The following FKBP5 variants were observed in gnomAD, a reference collection of about 807,000 sequenced individuals.
FKBP5 encodes peptidyl-prolyl cis-trans isomerase FKBP5.
In FKBP5, 23 loss-of-function variants were observed where a neutral mutation model predicts 50.5. The observed-to-expected ratio is 0.46, with a 90% CI of 0.33 to 0.65. FKBP5 has a LOEUF of 0.65. FKBP5 is among the 30% of genes least tolerant of loss of function. The probability of loss-of-function intolerance (pLI) is 0.02; values close to 1 mark genes in which losing one functional copy is unlikely to be tolerated. For missense variants in FKBP5, 411 were observed against 553.1 expected (o/e 0.74, Z 2.58); for synonymous variants, 176 against 190.6 (o/e 0.92, Z 0.63).
chr6:35,594,245 C>T (rs1042626855), intron 6 of FKBP5, among the ~76,000 whole-genome samples: 1 of 151,676 alleles, frequency 6.6e-6, no homozygotes. Flanking sequence ...TCCCAGCTAC[C>T]CAGGAGCTTG....
chr6:35,685,982 CAAAAAAAAAA>C (rs60786619), intron 1 of FKBP5, among the ~76,000 whole-genome samples: 4 of 46,244 alleles, frequency 8.6e-5, no homozygotes, highest in Non-Finnish European at 2.1e-4. Context: ...AACGCCATCT[CAAAAAAAAAA>C]AAAAAAAAAA....
upstream of FKBP5, among the ~76,000 whole-genome samples, chr6:35,690,930 C>T (rs536797636): frequency 1.3e-5 from 2 of 151,012 alleles, no homozygotes; most frequent in Admixed American, 6.6e-5. Context: ...CGCTTGAACC[C>T]GGGAGGCGGA....
intron 1 of FKBP5, among the ~76,000 whole-genome samples, chr6:35,682,274 G>T (rs1299360732): frequency 1.3e-5 from 2 of 152,116 alleles, no homozygotes; most frequent in Non-Finnish European, 2.9e-5. Context: ...TATCTAACAT[G>T]GGTAAAGAAC....
chr6:35,704,931 G>T (rs2151019800), intron 2 of FKBP5, among the ~76,000 whole-genome samples: 1 of 151,480 alleles, frequency 6.6e-6, no homozygotes, highest in South Asian at 2.1e-4. Context: ...CACGAGGTCA[G>T]GAAATCGAGA....
intron 2 of FKBP5, among the ~76,000 whole-genome samples, chr6:35,717,448 T>C (rs910900593): frequency 6.6e-6 from 1 of 152,260 alleles, no homozygotes; most frequent in East Asian, 1.9e-4. Context: ...TACATGCCCA[T>C]GTATGCATCT....
chr6:35,675,564 C>T (rs1053821769), intron 1 of FKBP5, among the ~76,000 whole-genome samples: 17 of 152,078 alleles, frequency 1.1e-4, no homozygotes, highest in Admixed American at 3.9e-4. Context: ...AGAAACACTC[C>T]GTCTCAAAAA....
chr6:35,693,076 TA>T (rs35498093), upstream of FKBP5, among the ~76,000 whole-genome samples: 67 of 80,772 alleles, frequency 8.3e-4, no homozygotes, highest in South Asian at 6.2e-3. Context: ...TCTTTTCAGC[TA>T]AAAAAAAAAA....
intron 2 of FKBP5, among the ~76,000 whole-genome samples, chr6:35,641,376 C>T (rs1390272288): frequency 1.3e-5 from 2 of 152,128 alleles, no homozygotes; most frequent in Admixed American, 6.5e-5. Flanking sequence ...GTAATATAAA[C>T]ATTTATTATC....
At chr6:35,695,762 T>A (rs932798340) in intron 2 of FKBP5, among the ~76,000 whole-genome samples, 1 of 152,214 alleles carries the variant, frequency 6.6e-6, no homozygotes, top group East Asian at 1.9e-4. Flanking sequence ...TATGATAGCA[T>A]CAAAAAGAAG....
At chr6:35,699,658 C>T (rs1261899632) in intron 2 of FKBP5, among the ~76,000 whole-genome samples, 1 of 152,106 alleles carries the variant, frequency 6.6e-6, no homozygotes, top group East Asian at 1.9e-4. Flanking sequence ...ATGCTGCTCT[C>T]GATCTGAAGA....
chr6:35,648,740 G>T (rs1430148465), intron 1 of FKBP5, among the ~76,000 whole-genome samples: 1 of 152,074 alleles, frequency 6.6e-6, no homozygotes, highest in Non-Finnish European at 1.5e-5. Context: ...CTTGAGGTCA[G>T]GAGTTTGAGA....
chr6:35,669,758 A>T (rs1765332029), intron 1 of FKBP5, among the ~76,000 whole-genome samples: 2 of 152,354 alleles, frequency 1.3e-5, no homozygotes, highest in South Asian at 4.1e-4. Flanking sequence ...TTCCATATGT[A>T]AGAATTCACA....
intron 2 of FKBP5, among the ~76,000 whole-genome samples, chr6:35,706,047 T>A (rs1766306897): frequency 6.6e-6 from 1 of 152,062 alleles, no homozygotes; most frequent in Non-Finnish European, 1.5e-5. Flanking sequence ...AGGCGGAGCT[T>A]GTAGTGAGCT....
chr6:35,704,895 A>G (rs1766262425), intron 2 of FKBP5, among the ~76,000 whole-genome samples: 2 of 151,734 alleles, frequency 1.3e-5, no homozygotes, highest in South Asian at 4.2e-4. Context: ...TAATCCCAGC[A>G]CTTTGGGAGG....
chr6:35,709,878 A>G, intron 2 of FKBP5, among the ~76,000 whole-genome samples: 1 of 11,422 alleles, frequency 8.8e-5, no homozygotes, highest in South Asian at 1.9e-3. Flanking sequence ...GCTTTTAGGT[A>G]AAAAAAAAAA....
intron 1 of FKBP5, among the ~76,000 whole-genome samples, chr6:35,663,423 T>C (rs1173088408): frequency 6.6e-6 from 1 of 152,208 alleles, no homozygotes; most frequent in Non-Finnish European, 1.5e-5. Context: ...CTGAGGCATT[T>C]TTAAGAAAAG....
chr6:35,654,324 C>G (rs2150996111), intron 1 of FKBP5, among the ~76,000 whole-genome samples: 1 of 152,328 alleles, frequency 6.6e-6, no homozygotes. Context: ...ATCCAAAACA[C>G]TTCTTGTCCC....
intron 8 of FKBP5, chr6:35,584,355 T>G: frequency 1.0e-6 from 1 of 985,482 alleles, no homozygotes; most frequent in Non-Finnish European, 1.2e-6. Flanking sequence ...TTTACCCATT[T>G]AGGTATAAAC....
intron 3 of FKBP5, among the ~76,000 whole-genome samples, chr6:35,624,089 T>A (rs1763924779): frequency 1.3e-5 from 2 of 152,098 alleles, no homozygotes; most frequent in South Asian, 4.1e-4. Flanking sequence ...CCACCTCAGC[T>A]TCTGAGTGGC....
Sources: gnomAD v4.1 joint callset for allele counts (sites outside exome capture counted in the v4.1 genomes callset) on GRCh38, gnomAD v4.1.1 for gene constraint, MANE v1.5 for transcripts, NCBI Gene and HGNC (gene_info 2026-07-23, HGNC 2026-07-21) for gene names.